SLC25A48: variants seen among roughly 807,000 people sequenced by gnomAD.
SLC25A48 encodes the protein CTC-321K16.1.
SLC25A48 carries 29 observed loss-of-function variants against 32.2 expected under a neutral mutation model. That is an observed-to-expected ratio of 0.90 (90% CI 0.67 to 1.23). The LOEUF is 1.23. Among genes scored for constraint, SLC25A48 ranks in the 50% most tolerant of loss-of-function variants. The probability of loss-of-function intolerance (pLI) is 0.00; values close to 1 mark genes in which losing one functional copy is unlikely to be tolerated. For missense variants in SLC25A48, 399 were observed against 422.7 expected (o/e 0.94, Z 0.49); for synonymous variants, 164 against 172.3 (o/e 0.95, Z 0.38).
chr5:135,794,719 A>G (rs1757123038), intron 3 of SLC25A48, among the ~76,000 whole-genome samples: 1 of 151,404 alleles, frequency 6.6e-6, no homozygotes, highest in Admixed American at 6.6e-5. Context: ...AAAATATCAC[A>G]GGGCGTATAC....
At chr5:135,796,918 A>T (rs1380820777) in intron 3 of SLC25A48, among the ~76,000 whole-genome samples, 1 of 151,774 alleles carries the variant, frequency 6.6e-6, no homozygotes, top group African/African-American at 2.4e-5. Flanking sequence ...CCCTCCTGCG[A>T]TATTGCTTTT....
At chr5:135,697,922 C>T (rs974759296) in intron 3 of SLC25A48, among the ~76,000 whole-genome samples, 3 of 152,224 alleles carry the variant, frequency 2.0e-5, no homozygotes, top group African/African-American at 7.2e-5. Flanking sequence ...ATGAGAAACC[C>T]ATCCCCTCAC....
At chr5:135,807,855 A>T (rs989516032) in intron 3 of SLC25A48, among the ~76,000 whole-genome samples, 2 of 150,414 alleles carry the variant, frequency 1.3e-5, no homozygotes, top group African/African-American at 4.8e-5. Context: ...CAGATATTAT[A>T]AATATCATAG....
At chr5:135,806,878 CAG>C (rs1413918520) in intron 3 of SLC25A48, among the ~76,000 whole-genome samples, 14 of 149,890 alleles carry the variant, frequency 9.3e-5, no homozygotes, top group Admixed American at 7.3e-4. Context: ...AATAATATCA[CAG>C]TGTGTTAACA....
At chr5:135,756,280 A>G (rs1561478002) in intron 3 of SLC25A48, among the ~76,000 whole-genome samples, 1 of 141,440 alleles carries the variant, frequency 7.1e-6, no homozygotes, top group African/African-American at 2.4e-5. Flanking sequence ...TGATATTAAG[A>G]AAAATATCAT....
intron 3 of SLC25A48, among the ~76,000 whole-genome samples, chr5:135,662,786 T>C (rs1753434187): frequency 6.6e-6 from 1 of 152,186 alleles, no homozygotes. Context: ...CTGTCACCAC[T>C]CTTTCCCTCC....
intron 4 of SLC25A48, among the ~76,000 whole-genome samples, chr5:135,820,535 G>C (rs1757857492): frequency 6.6e-6 from 1 of 152,024 alleles, no homozygotes; most frequent in African/African-American, 2.4e-5. Flanking sequence ...ATTTTTAAGA[G>C]GTGATGACAT....
At chr5:135,639,438 T>C (rs562805559) in intron 3 of SLC25A48, among the ~76,000 whole-genome samples, 14 of 152,166 alleles carry the variant, frequency 9.2e-5, no homozygotes, top group Admixed American at 8.5e-4. Context: ...TGCAATGGGG[T>C]AGGATATTGT....
chr5:135,713,224 C>T (rs776205774), intron 3 of SLC25A48, among the ~76,000 whole-genome samples: 2 of 152,200 alleles, frequency 1.3e-5, no homozygotes, highest in Non-Finnish European at 2.9e-5. Context: ...GATTCAAATG[C>T]ACATTAAATT....
At chr5:135,798,809 G>A (rs1025747910) in intron 3 of SLC25A48, among the ~76,000 whole-genome samples, 5 of 151,572 alleles carry the variant, frequency 3.3e-5, no homozygotes, top group South Asian at 2.1e-4. Context: ...TCTAATTCCC[G>A]TGGGAGAGAG....
chr5:135,858,759 T>C (rs918435139), intron 4 of SLC25A48, among the ~76,000 whole-genome samples: 1 of 152,204 alleles, frequency 6.6e-6, no homozygotes, highest in Admixed American at 6.5e-5. Context: ...TGCACACAAA[T>C]AGCTTCAAAC....
chr5:135,875,949 A>T (rs576328748), intron 6 of SLC25A48: 1 of 152,278 alleles, frequency 6.6e-6, no homozygotes, highest in East Asian at 1.9e-4. Context: ...GTATAAGAAG[A>T]TGTGATACGG....
At chr5:135,599,244 G>C (rs897030142) in intron 1 of SLC25A48, among the ~76,000 whole-genome samples, 1 of 152,096 alleles carries the variant, frequency 6.6e-6, no homozygotes, top group Non-Finnish European at 1.5e-5. Context: ...TGGCCTCCCA[G>C]CTTCCAAGCT....
At chr5:135,622,803 G>A (rs1464037857) in intron 1 of SLC25A48, among the ~76,000 whole-genome samples, 1 of 152,160 alleles carries the variant, frequency 6.6e-6, no homozygotes, top group Admixed American at 6.5e-5. Flanking sequence ...AAACAGATGA[G>A]ACTGGCCAAG....
intron 3 of SLC25A48, among the ~76,000 whole-genome samples, chr5:135,677,164 T>C (rs1014234087): frequency 6.6e-6 from 1 of 152,074 alleles, no homozygotes; most frequent in African/African-American, 2.4e-5. Flanking sequence ...TATTTAGGAT[T>C]GTCATATTCT....
chr5:135,727,235 T>C (rs868057287), intron 3 of SLC25A48, among the ~76,000 whole-genome samples: 1 of 150,832 alleles, frequency 6.6e-6, no homozygotes, highest in African/African-American at 2.4e-5. Context: ...TATAGATATA[T>C]ATGTATGTGT....
intron 2 of SLC25A48, among the ~76,000 whole-genome samples, chr5:135,632,337 C>A (rs1007382762): frequency 2.5e-4 from 38 of 152,114 alleles, no homozygotes; most frequent in Admixed American, 7.9e-4. Flanking sequence ...GGAGGCACAG[C>A]GACCTATTAG....
In SLC25A48 at chr5:135,728,841, T is replaced by TACACACACACACAC. The variant is rs33918902; in HGVS notation, c.-520-83652_-520-83639dup. 8.7e-3 allele frequency among the ~76,000 whole-genome samples: 1,235 copies of TACACACACACACAC among 141,604 alleles called. 18 individuals carry two copies. Among genetic ancestry groups the TACACACACACACAC allele is most frequent in the East Asian group, 0.049 (223 of 4,588 alleles). The allele number at this position is 141,604 out of a possible 152,430, so 92.9% of individuals were successfully genotyped here. A position where few individuals can be genotyped will look rare whatever the true frequency, so the allele number is the denominator to read the frequency against. On this transcript the variant is annotated intron_variant, in intron 3 of 10. Coordinates refer to the SLC25A48 transcript ENST00000646290. Reference sequence around the variant, plus strand: ...AATTTCCCCTGAACACATACACAAATACACACACACACACACACACACACA... The same window carrying TACACACACACACAC: ...AATTTCCCCTGAACACATACACAAATACACACACACACACACACACACACACACACACACACACA...
intron 3 of SLC25A48, among the ~76,000 whole-genome samples, chr5:135,665,750 CTTG>C (rs1753507509): frequency 8.0e-6 from 1 of 125,286 alleles, no homozygotes; most frequent in Admixed American, 8.7e-5. Flanking sequence ...CTTAAACACT[CTTG>C]TTATTCTTTT....
Sources: allele counts gnomAD v4.1 joint callset (sites outside exome capture counted in the v4.1 genomes callset), GRCh38; gene constraint gnomAD v4.1.1; transcripts MANE v1.5; gene names NCBI Gene and HGNC (gene_info 2026-07-23, HGNC 2026-07-21).